SFSWAP: variants seen among roughly 807,000 people sequenced by gnomAD.
SFSWAP encodes the protein splicing factor SWAP.
SFSWAP carries 17 observed loss-of-function variants against 100.7 expected under a neutral mutation model. The ratio of observed to expected loss-of-function variants is 0.17; its 90% confidence interval spans 0.12 to 0.25. The LOEUF (loss-of-function observed/expected upper bound fraction) is 0.25, where lower values mean the gene tolerates loss of function less well. SFSWAP is among the 10% of genes least tolerant of loss of function. The probability of loss-of-function intolerance (pLI) is 1.00; values close to 1 mark genes in which losing one functional copy is unlikely to be tolerated. For missense variants in SFSWAP, 1,005 were observed against 1,262.6 expected (o/e 0.80, Z 3.09); for synonymous variants, 504 against 510.1 (o/e 0.99, Z 0.16).
At chr12:131,776,912 T>G (rs1051331969) in intron 13 of SFSWAP, among the ~76,000 whole-genome samples, 4 of 152,244 alleles carry the variant, frequency 2.6e-5, no homozygotes, top group African/African-American at 9.6e-5. Flanking sequence ...CCTGATCTGG[T>G]TCCGATGCGC....
intron 7 of SFSWAP, among the ~76,000 whole-genome samples, chr12:131,731,226 C>T (rs1337044953): frequency 1.3e-5 from 2 of 152,226 alleles, no homozygotes; most frequent in African/African-American, 4.8e-5. Context: ...TGTGGCGTGG[C>T]GTTACGTCGG....
chr12:131,790,692 T>A (rs1456881346), intron 15 of SFSWAP, among the ~76,000 whole-genome samples: 9 of 152,218 alleles, frequency 5.9e-5, no homozygotes, highest in Admixed American at 5.9e-4. Flanking sequence ...AATGAATGAT[T>A]AGTTACAAGT....
chr12:131,731,174 A>G (rs1879467367), intron 7 of SFSWAP, among the ~76,000 whole-genome samples: 1 of 152,230 alleles, frequency 6.6e-6, no homozygotes, highest in Non-Finnish European at 1.5e-5. Flanking sequence ...AGAAATCAGT[A>G]TAAACCTGTA....
intron 1 of SFSWAP, chr12:131,713,327 A>C (rs768021192): frequency 2.0e-5 from 3 of 152,250 alleles, no homozygotes; most frequent in Non-Finnish European, 4.4e-5. Flanking sequence ...TGGTCCATGC[A>C]AGAGAAACAT....
chr12:131,791,999 G>T (rs914987710), intron 15 of SFSWAP, among the ~76,000 whole-genome samples: 3 of 152,096 alleles, frequency 2.0e-5, no homozygotes. Context: ...ACCCGTGTGT[G>T]TGCACAGACC....
chr12:131,787,647 A>G (rs1307799522), intron 15 of SFSWAP, among the ~76,000 whole-genome samples: 2 of 152,108 alleles, frequency 1.3e-5, no homozygotes, highest in Non-Finnish European at 2.9e-5. Flanking sequence ...AGGGTCCCAG[A>G]GCCTTCCAGA....
At chr12:131,779,063 G>A (rs1181892081) in intron 14 of SFSWAP, among the ~76,000 whole-genome samples, 1 of 150,304 alleles carries the variant, frequency 6.7e-6, no homozygotes, top group Non-Finnish European at 1.5e-5. Flanking sequence ...TGGATTCTCT[G>A]CTCTGCACAC....
chr12:131,739,695 G>A (rs547576112), intron 7 of SFSWAP, among the ~76,000 whole-genome samples: 7 of 151,640 alleles, frequency 4.6e-5, no homozygotes, highest in South Asian at 2.1e-4. Context: ...ACAGGCGCCC[G>A]CCACCATGCC....
chr12:131,755,494 G>A lies in SFSWAP; in HGVS notation c.1548+15G>A. Reference sequence around the variant, plus strand: ...ATAGCATGCAGGTACGTGTCTGAATGCAGGGAGGCTGTGAAGCTCTTAGAG... The same window carrying A: ...ATAGCATGCAGGTACGTGTCTGAATACAGGGAGGCTGTGAAGCTCTTAGAG... On this transcript the variant is annotated intron_variant, in intron 10 of 17. Coordinates refer to ENST00000261674, the MANE Select transcript of SFSWAP (RefSeq NM_004592.4). 6.3e-7 allele frequency: 1 copy of A among 1,586,034 alleles called. No individual in the cohort carries two copies. Among genetic ancestry groups the A allele is most frequent in the Non-Finnish European group, 8.7e-7 (1 of 1,155,096 alleles).
intron 15 of SFSWAP, among the ~76,000 whole-genome samples, chr12:131,788,531 G>A (rs928531559): frequency 6.9e-5 from 10 of 143,902 alleles, no homozygotes; most frequent in African/African-American, 2.3e-4. Context: ...TTTTGGGGGC[G>A]TTTTTTTTTT....
At chr12:131,773,719 A>T (rs1324219544) in intron 13 of SFSWAP, among the ~76,000 whole-genome samples, 1 of 152,074 alleles carries the variant, frequency 6.6e-6, no homozygotes. Flanking sequence ...AGGAACTGAA[A>T]CCTGCCTGTG....
At chr12:131,772,745 C>T (rs1406151129) in intron 13 of SFSWAP, among the ~76,000 whole-genome samples, 1 of 152,208 alleles carries the variant, frequency 6.6e-6, no homozygotes. Flanking sequence ...TGTTAATCAG[C>T]TCAGTGGAGG....
chr12:131,783,629 A>G (rs1289735591), intron 14 of SFSWAP: 4 of 150,356 alleles, frequency 2.7e-5, no homozygotes, highest in Non-Finnish European at 5.9e-5. Flanking sequence ...TAAAAATACA[A>G]AAAATTAGCC....
chr12:131,748,590 C>T lies in SFSWAP; in HGVS notation c.1082-4533C>T, dbSNP rs547166069. Among the ~76,000 whole-genome samples the T allele has an allele frequency of 4.6e-5, 7 of 152,332 alleles. No homozygotes were observed. The South Asian group carries it at 1.2e-3, about 27-fold the overall frequency. On this transcript the variant is annotated intron_variant, in intron 7 of 17. Coordinates refer to ENST00000261674, the MANE Select transcript of SFSWAP (RefSeq NM_004592.4). ...TTCTGTTCTGTGTGTTAAATTCACA[C>T]GAGATTAAGATCATGCAGAGATACG... is the stretch of plus-strand genomic sequence containing the variant.
At chr12:131,757,756 C>T (rs1882310991) in intron 11 of SFSWAP, among the ~76,000 whole-genome samples, 1 of 152,140 alleles carries the variant, frequency 6.6e-6, no homozygotes, top group Non-Finnish European at 1.5e-5. Flanking sequence ...AGGCAATTCA[C>T]TATATGTGTC....
At chr12:131,747,741 C>T (rs1881269132) in intron 7 of SFSWAP, among the ~76,000 whole-genome samples, 1 of 152,162 alleles carries the variant, frequency 6.6e-6, no homozygotes, top group Non-Finnish European at 1.5e-5. Context: ...TGGGGGACTA[C>T]AGAGGAGAGG....
Position 131,711,866 on chromosome 12 carries a change from G to A in SFSWAP, c.218+419G>A. 5.0e-6 allele frequency: 1 copy of A among 199,188 alleles called. No individual in the cohort carries two copies. The highest frequency in any genetic ancestry group is 1.1e-5 in the Non-Finnish European group (1 of 94,724). 12.3% of individuals were successfully genotyped at this position (199,188 alleles called of 1,614,324 possible). ...CGCGCTCTCACTGCTCGGTGTACTG[G>A]GAGGGTACCCTGGGAGGCGTGCCTT... On this transcript the variant is annotated intron_variant, in intron 1 of 17. Transcript: ENST00000261674. This position sits in a 1 kb window ranked among gnomAD's most constrained non-coding sequence, Gnocchi z 4.9.
At chr12:131,722,902 C>T (rs1331062892) in intron 4 of SFSWAP, among the ~76,000 whole-genome samples, 3 of 152,136 alleles carry the variant, frequency 2.0e-5, no homozygotes, top group South Asian at 2.1e-4. Flanking sequence ...TGAGCTAATA[C>T]GGTACTGCTG....
intron 9 of SFSWAP, among the ~76,000 whole-genome samples, chr12:131,755,045 G>GA (rs945779995): frequency 1.3e-5 from 2 of 151,984 alleles, no homozygotes; most frequent in Admixed American, 1.3e-4. Flanking sequence ...TAGGAATTTT[G>GA]AAGCTACCTA....
Sources: gnomAD v4.1 joint callset for allele counts (sites outside exome capture counted in the v4.1 genomes callset) on GRCh38, gnomAD v4.1.1 for gene constraint, Gnocchi (gnomAD v3.1) non-coding constraint, MANE v1.5 for transcripts, NCBI Gene and HGNC (gene_info 2026-07-23, HGNC 2026-07-21) for gene names.